Variants in ORC3 observed in about 807,000 individuals in gnomAD.
ORC3 encodes the protein homolog of latheo, Drosophila.
ORC3 carries 78 observed loss-of-function variants against 100.7 expected under a neutral mutation model. The observed-to-expected ratio is 0.77, with a 90% CI of 0.65 to 0.94. ORC3 has a LOEUF of 0.94. Ranked by LOEUF, ORC3 falls within the 40% of genes least tolerant of loss-of-function variation. The pLI, the probability that ORC3 is intolerant of heterozygous loss-of-function variation, is 0.00. For synonymous variants in ORC3, 295 were observed against 289.3 expected, an observed-to-expected ratio of 1.02 and a Z score of -0.20; for missense variants, 789 against 823.9, an observed-to-expected ratio of 0.96 and a Z score of 0.52.
In ORC3 at chr6:87,601,912, C is replaced by T. The variant is rs771060219; in HGVS notation, c.177+31C>T. The T allele has an allele frequency of 4.4e-5, 53 of 1,194,514 alleles. No homozygotes were observed. In the South Asian group the frequency reaches 6.2e-4, roughly 14 times the overall value. The allele number at this position is 1,194,514 out of a possible 1,614,324, so 74.0% of individuals were successfully genotyped here. On this transcript the variant is annotated intron_variant, in intron 3 of 19. Coordinates refer to ENST00000392844, the MANE Select transcript of ORC3 (RefSeq NM_012381.4). ...TACTTTTTTTAATAATTTTCTGTAA[C>T]ACCCTAAGTCTCATTTTTGTTGCAT...
rs371792044 is a variant in ORC3 at position 87,605,480 on chromosome 6, GTC to G, written c.323-433_323-432del. Among the ~76,000 whole-genome samples the G allele has an allele frequency of 3.2e-3, 487 of 152,212 alleles. 1 individual carries two copies. The highest frequency in any genetic ancestry group is 0.01 in the South Asian group (49 of 4,818). On this transcript the variant is annotated intron_variant, in intron 4 of 19. Transcript: ENST00000392844. ...AGCCTGGCCAACGTGGTGAAACCCTGTCTCTATTAAAACTACAAAAATTAGCC... is the reference window on the plus strand; with the variant it reads ...AGCCTGGCCAACGTGGTGAAACCCTGTCTATTAAAACTACAAAAATTAGCC...
chr6:87,604,042 G>T (rs1001221399), intron 4 of ORC3, among the ~76,000 whole-genome samples: 5 of 152,110 alleles, frequency 3.3e-5, no homozygotes, highest in African/African-American at 1.2e-4. Context: ...CTTTCAAATT[G>T]CAGGTTGTAA....
chr6:87,629,526 A>T (rs1780156707), intron 11 of ORC3, among the ~76,000 whole-genome samples: 1 of 152,204 alleles, frequency 6.6e-6, no homozygotes, highest in South Asian at 2.1e-4. Flanking sequence ...CTCAATAACA[A>T]TAGGGGGTCT....
chr6:87,614,639 C>T (rs923880284), intron 8 of ORC3, among the ~76,000 whole-genome samples: 3 of 152,082 alleles, frequency 2.0e-5, no homozygotes, highest in Admixed American at 2.0e-4. Context: ...AAATTTGTTC[C>T]TCAGGATACC....
chr6:87,616,445 G>C lies in ORC3; in HGVS notation c.987+18G>C. 1.0e-6 allele frequency: 1 copy of C among 987,690 alleles called. No homozygotes were observed. The allele number at this position is 987,690 out of a possible 1,614,324, so 61.2% of individuals were successfully genotyped here. A position where few individuals can be genotyped will look rare whatever the true frequency, so the allele number is the denominator to read the frequency against. On this transcript the variant is annotated intron_variant, in intron 9 of 19. Coordinates refer to ENST00000392844, the MANE Select transcript of ORC3 (RefSeq NM_012381.4). ...GACTTCAGGTAAGAACACAGTAATG[G>C]GTTTGAAAATTCTCAAGCTGATTCT...
intron 9 of ORC3, among the ~76,000 whole-genome samples, chr6:87,620,728 C>T (rs1779474263): frequency 6.6e-6 from 1 of 152,030 alleles, no homozygotes; most frequent in Admixed American, 6.6e-5. Context: ...CAAGATTATC[C>T]AAACGTTCAT....
chr6:87,655,528 A>AT, intron 14 of ORC3, among the ~76,000 whole-genome samples: 1 of 151,388 alleles, frequency 6.6e-6, no homozygotes, highest in Admixed American at 6.6e-5. Flanking sequence ...ATTTTTTTGT[A>AT]TTTTTGTAGG....
Position 87,612,200 on chromosome 6 carries a change from G to C in ORC3, c.825G>C (p.Leu275=). ...TATCATCTCTATTGTGCATAGAACT[G>C]TTCCAATCTTTGTCTTGTAAGGAGC... The part of the protein sequence containing the change: ...HAVSSLLCIE[L]FQSLSCKEHL... Residue 275 remains leucine (L), a synonymous_variant, in exon 8 of 20, where the codon CTG becomes CTC. Transcript: ENST00000392844. 2 of 1,611,840 alleles carry C rather than the reference G, an allele frequency of 1.2e-6. No individual in the cohort carries two copies. Among genetic ancestry groups the C allele is most frequent in the South Asian group, 2.2e-5 (2 of 90,674 alleles).
At chr6:87,611,030 G>A (rs1778726937) in intron 7 of ORC3, among the ~76,000 whole-genome samples, 1 of 145,698 alleles carries the variant, frequency 6.9e-6, no homozygotes, top group African/African-American at 2.6e-5. Flanking sequence ...TCCACCTCCT[G>A]GGCTTAAGCA....
Position 87,667,260 on chromosome 6 carries a change from G to A in ORC3, c.*137G>A. On this transcript the variant is annotated 3_prime_UTR_variant, in exon 20 of 20. Transcript: ENST00000392844. ...CCCCCATTGATGTTTAACCAGAAAA[G>A]TACATTGCTAACCCCAAACAGGCAT... The A allele has an allele frequency of 1.8e-6, 1 of 560,590 alleles. No individual in the cohort carries two copies. Among genetic ancestry groups the A allele is most frequent in the Non-Finnish European group, 3.1e-6 (1 of 321,248 alleles). The allele number at this position is 560,590 out of a possible 1,614,324, so 34.7% of individuals were successfully genotyped here.
At chr6:87,626,787 C>CAA (rs11321781) in intron 11 of ORC3, among the ~76,000 whole-genome samples, 1 of 123,472 alleles carries the variant, frequency 8.1e-6, no homozygotes, top group African/African-American at 3.0e-5. Context: ...ACTCTGTCTC[C>CAA]AAAAAAAAAA....
intron 8 of ORC3, among the ~76,000 whole-genome samples, chr6:87,613,375 C>T (rs1055805088): frequency 6.6e-6 from 1 of 152,208 alleles, no homozygotes; most frequent in Non-Finnish European, 1.5e-5. Context: ...CCAGGTCCCT[C>T]CCATAGCACT....
intron 7 of ORC3, 154 bp downstream of exon 7, chr6:87,609,383 A>C: frequency 1.8e-6 from 1 of 552,092 alleles, no homozygotes. Context: ...ACTTCCTATC[A>C]GATTTTCCAT....
the ORC3 span, chr6:87,675,957 AC>A: frequency 1.9e-6 from 3 of 1,587,348 alleles, no homozygotes; most frequent in South Asian, 3.4e-5. Context: ...CTTGTCAATT[AC>A]ATTTGTAAAA....
At chr6:87,607,421 A>G (rs1042264263) in intron 5 of ORC3, among the ~76,000 whole-genome samples, 2 of 151,832 alleles carry the variant, frequency 1.3e-5, no homozygotes, top group African/African-American at 4.8e-5. Flanking sequence ...ACAGAGCGAG[A>G]CTCCATCTCA....
At chr6:87,613,436 C>T (rs1778925512) in intron 8 of ORC3, among the ~76,000 whole-genome samples, 1 of 152,178 alleles carries the variant, frequency 6.6e-6, no homozygotes, top group Non-Finnish European at 1.5e-5. Flanking sequence ...CCATATCATT[C>T]TGCCCCTGGC....
At chr6:87,674,087 G>T in the ORC3 span, among the ~76,000 whole-genome samples, 1 of 151,992 alleles carries the variant, frequency 6.6e-6, no homozygotes. Context: ...GATCACCTGA[G>T]GTCAGGAGTT....
intron 11 of ORC3, among the ~76,000 whole-genome samples, chr6:87,627,642 T>C (rs1780021932): frequency 6.6e-6 from 1 of 150,702 alleles, no homozygotes; most frequent in African/African-American, 2.5e-5. Flanking sequence ...TACATTTTTA[T>C]GTATTATAAT....
rs758192153 is a variant in ORC3, at chr6:87,621,502, AC to A, written c.1121+16del. ...TCTTTTAGGAGGTAAAAAGAGAAGT[AC>A]ATGTTTAACACATACTATACTAGAA... On this transcript the variant is annotated intron_variant, in intron 10 of 19. Transcript: ENST00000392844. The A allele has an allele frequency of 1.3e-6, 2 of 1,554,468 alleles. No homozygotes were observed. Among genetic ancestry groups the A allele is most frequent in the East Asian group, 4.6e-5 (2 of 43,494 alleles).
Sources: gnomAD v4.1 joint callset for allele counts (sites outside exome capture counted in the v4.1 genomes callset) on GRCh38, gnomAD v4.1.1 for gene constraint, MANE v1.5 for transcripts, NCBI Gene and HGNC (gene_info 2026-07-23, HGNC 2026-07-21) for gene names.